Variants in MON2 observed in about 807,000 individuals in gnomAD.
The protein encoded by MON2 is protein MON2 homolog.
Under a neutral mutation model 208.6 loss-of-function variants are expected in MON2, and 84 were observed. That is an observed-to-expected ratio of 0.40 (90% CI 0.34 to 0.48). The LOEUF is 0.48. MON2 is among the 20% of genes least tolerant of loss of function. The probability of loss-of-function intolerance (pLI) is 0.59; values close to 1 mark genes in which losing one functional copy is unlikely to be tolerated. For synonymous variants in MON2, 660 were observed against 694.0 expected, an observed-to-expected ratio of 0.95 and a Z score of 0.77; for missense variants, 1,611 against 2,015.4, an observed-to-expected ratio of 0.80 and a Z score of 3.84.
At chr12:62,557,962 A>ATAT (rs1364201663) in intron 25 of MON2, among the ~76,000 whole-genome samples, 23 of 20,872 alleles carry the variant, frequency 1.1e-3, no homozygotes, top group South Asian at 8.3e-3. Context: ...ATATATATAT[A>ATAT]TTTTTTTTTT....
At chr12:62,475,220 GCTT>G (rs999031506) in intron 1 of MON2, among the ~76,000 whole-genome samples, 1 of 151,832 alleles carries the variant, frequency 6.6e-6, no homozygotes, top group Non-Finnish European at 1.5e-5. Context: ...TCATGTTATG[GCTT>G]CTTTGTTTTT....
intron 25 of MON2, among the ~76,000 whole-genome samples, chr12:62,557,943 TATA>T (rs2074037896): frequency 7.9e-5 from 3 of 38,196 alleles, no homozygotes; most frequent in East Asian, 7.2e-4. Flanking sequence ...TATATATATA[TATA>T]TATATATATA....
At chr12:62,577,359 C>G (rs2074831651) in intron 30 of MON2, among the ~76,000 whole-genome samples, 1 of 151,908 alleles carries the variant, frequency 6.6e-6, no homozygotes, top group Non-Finnish European at 1.5e-5. Flanking sequence ...CTTGAACACC[C>G]AAGAATATAA....
chr12:62,519,543 A>T (rs576036179), intron 8 of MON2, among the ~76,000 whole-genome samples: 1 of 152,318 alleles, frequency 6.6e-6, no homozygotes, highest in African/African-American at 2.4e-5. Flanking sequence ...ACATGTTAAC[A>T]TAAATTTTTA....
intron 7 of MON2, among the ~76,000 whole-genome samples, chr12:62,507,715 A>G (rs1454690491): frequency 1.3e-5 from 2 of 152,156 alleles, no homozygotes; most frequent in African/African-American, 4.8e-5. Context: ...AAATCATTAA[A>G]TGTTCCTTTT....
chr12:62,596,706 C>T lies in MON2; in HGVS notation c.*3957C>T, dbSNP rs2075534119. On this transcript the variant is annotated 3_prime_UTR_variant, in exon 35 of 35. Transcript: ENST00000393630. ...CCAATTTATATAAAGTGGGAAAAGTCTTTAATACTTCATGATCACTTGAAT... is the reference window on the plus strand; with the variant it reads ...CCAATTTATATAAAGTGGGAAAAGTTTTTAATACTTCATGATCACTTGAAT... 6.6e-6 allele frequency: 1 copy of T among 152,150 alleles called. No individual in the cohort carries two copies. The highest frequency in any genetic ancestry group is 6.6e-5 in the Admixed American group (1 of 15,264). The allele number at this position is 152,150 out of a possible 1,614,324, so 9.4% of individuals were successfully genotyped here.
intron 2 of MON2, among the ~76,000 whole-genome samples, chr12:62,491,091 C>T (rs2136034754): frequency 6.6e-6 from 1 of 152,252 alleles, no homozygotes; most frequent in Admixed American, 6.5e-5. Flanking sequence ...GTTATTATCA[C>T]ATCAGTTGAG....
intron 24 of MON2, 157 bp downstream of exon 24, chr12:62,553,331 C>T: frequency 4.7e-6 from 3 of 638,104 alleles, no homozygotes; most frequent in South Asian, 5.6e-5. Flanking sequence ...GTAAATTGTA[C>T]CTCATAAAGA....
intron 2 of MON2, among the ~76,000 whole-genome samples, chr12:62,489,669 C>T (rs534198499): frequency 3.9e-5 from 6 of 151,948 alleles, no homozygotes; most frequent in African/African-American, 1.2e-4. Flanking sequence ...TAGATTTTTT[C>T]TTTTGCAAAA....
In MON2 at chr12:62,508,298, A is replaced by C. The variant is rs551638999; in HGVS notation, c.802A>C (p.Ser268Arg). The C allele has an allele frequency of 1.2e-6, 2 of 1,610,868 alleles. No individual in the cohort carries two copies. The highest frequency in any genetic ancestry group is 1.7e-6 in the Non-Finnish European group (2 of 1,178,532). The change falls in exon 8 of 35, where the codon AGT becomes CGT. Residue 268 changes from serine to arginine, a missense_variant. Ser to Arg is a moderately radical substitution (Grantham distance 110). Coordinates refer to ENST00000393630, the MANE Select transcript of MON2 (RefSeq NM_015026.3). ...PQVFLQHQEF[S>R]FLLKERVCPL... Reference sequence around the variant, plus strand: ...TCCTTGCAAATAGCACCAAGAATTTAGTTTCCTCCTCAAAGAAAGGGTATG... The same window carrying C: ...TCCTTGCAAATAGCACCAAGAATTTCGTTTCCTCCTCAAAGAAAGGGTATG...
At chr12:62,491,441 A>C (rs1480341289) in intron 2 of MON2, among the ~76,000 whole-genome samples, 2 of 152,186 alleles carry the variant, frequency 1.3e-5, no homozygotes, top group Admixed American at 6.5e-5. Context: ...AATCAATGGC[A>C]TCTTAAACCC....
chr12:62,566,790 A>T (rs2074400710), intron 29 of MON2, among the ~76,000 whole-genome samples: 1 of 151,750 alleles, frequency 6.6e-6, no homozygotes, highest in African/African-American at 2.4e-5. Context: ...AATGTAAATG[A>T]TGAGTTAATG....
chr12:62,515,580 C>T (rs2071641347), intron 8 of MON2, among the ~76,000 whole-genome samples: 2 of 152,094 alleles, frequency 1.3e-5, no homozygotes, highest in Non-Finnish European at 2.9e-5. Context: ...CTTTGTAAGG[C>T]CAAGGTGGAT....
In MON2 at chr12:62,598,836, G is replaced by A. The variant is rs1010844796; in HGVS notation, c.*6087G>A. ...ATGAAAGCTATATAGTTATAACTGT[G>A]ATTGTACAGATTGTTTATTTGTTTT... On this transcript the variant is annotated 3_prime_UTR_variant, in exon 35 of 35. Coordinates refer to ENST00000393630, the MANE Select transcript of MON2 (RefSeq NM_015026.3). The A allele has an allele frequency of 1.3e-5, 2 of 152,140 alleles. No homozygotes were observed. Among genetic ancestry groups the A allele is most frequent in the Admixed American group, 6.5e-5 (1 of 15,274 alleles). 9.4% of individuals were successfully genotyped at this position (152,140 alleles called of 1,614,324 possible).
At chr12:62,555,148 A>G (rs1028088493) in intron 24 of MON2, among the ~76,000 whole-genome samples, 2 of 151,952 alleles carry the variant, frequency 1.3e-5, no homozygotes, top group Admixed American at 1.3e-4. Flanking sequence ...TGATGCCTCA[A>G]CAAGTCTTAT....
chr12:62,573,356 A>C (rs1244311410), intron 30 of MON2, among the ~76,000 whole-genome samples: 3 of 150,398 alleles, frequency 2.0e-5, no homozygotes, highest in African/African-American at 7.3e-5. Context: ...ATATATGCTT[A>C]ATGCCCCATT....
At chr12:62,592,012 A>G (rs556021599) in intron 34 of MON2, among the ~76,000 whole-genome samples, 1 of 152,320 alleles carries the variant, frequency 6.6e-6, no homozygotes, top group East Asian at 1.9e-4. Context: ...TGTTCATGAT[A>G]GTGGTGAAGA....
intron 8 of MON2, among the ~76,000 whole-genome samples, chr12:62,518,044 T>C (rs1054927098): frequency 9.2e-5 from 14 of 152,226 alleles, no homozygotes; most frequent in Non-Finnish European, 1.5e-5. Context: ...ATCAAGCTAC[T>C]AGCATATCTG....
intron 1 of MON2, among the ~76,000 whole-genome samples, chr12:62,468,159 A>G: frequency 6.6e-6 from 1 of 151,214 alleles, no homozygotes; most frequent in Non-Finnish European, 1.5e-5. Flanking sequence ...ATTCTCTAAA[A>G]AAAAAAAACA....
Sources: gnomAD v4.1 joint callset for allele counts (sites outside exome capture counted in the v4.1 genomes callset) on GRCh38, gnomAD v4.1.1 for gene constraint, MANE v1.5 for transcripts, NCBI Gene and HGNC (gene_info 2026-07-23, HGNC 2026-07-21) for gene names.